The following RORB variants were observed in gnomAD, a reference collection of about 807,000 sequenced individuals.
RORB encodes nuclear receptor ROR-beta.
In RORB, 6 loss-of-function variants were observed where a neutral mutation model predicts 59.1. The ratio of observed to expected loss-of-function variants is 0.10; its 90% CI spans 0.06 to 0.20. The LOEUF is 0.20. Ranked by LOEUF, RORB falls within the 10% of genes least tolerant of loss-of-function variation. The pLI is 1.00. For synonymous variants in RORB, 215 were observed against 204.5 expected (o/e 1.05, Z -0.44); for missense variants, 320 against 560.5 (o/e 0.57, Z 4.33).
At chr9:74,634,850 A>G (rs1823676286) in intron 3 of RORB, 78 bp downstream of exon 3, 1 of 1,331,044 alleles carries the variant, frequency 7.5e-7, no homozygotes. Context: ...AGCTGCTGGA[A>G]GAATTCTAGA....
In RORB at chr9:74,682,433, T is replaced by TA. The variant is rs542616560; in HGVS notation, c.1225-3019dup. Among the ~76,000 whole-genome samples, 267 of 140,090 alleles carry TA rather than the reference T, an allele frequency of 1.9e-3. 2 individuals are homozygous for TA. Among genetic ancestry groups the TA allele is most frequent in the South Asian group, 0.017 (73 of 4,394 alleles). 91.9% of individuals were successfully genotyped at this position (140,090 alleles called of 152,430 possible). ...ATGTACCCTAAAACTTAAAGTATAA[T>TA]AAAAAAAAAAAGAAAAAGAAAACTG... On this transcript the variant is annotated intron_variant, in intron 9 of 9. Coordinates refer to ENST00000376896, the MANE Select transcript of RORB (RefSeq NM_006914.4).
chr9:74,653,841 G>GA (rs1023031897), intron 4 of RORB, among the ~76,000 whole-genome samples: 134 of 151,846 alleles, frequency 8.8e-4, no homozygotes, highest in African/African-American at 2.8e-3. Flanking sequence ...CGCTTTGGTG[G>GA]AAAAAAAACC....
chr9:74,606,472 A>G (rs551717013), intron 1 of RORB, among the ~76,000 whole-genome samples: 1 of 152,338 alleles, frequency 6.6e-6, no homozygotes, highest in African/African-American at 2.4e-5. Flanking sequence ...GTTGGCTGTA[A>G]GATGTCCCAG....
intron 9 of RORB, among the ~76,000 whole-genome samples, chr9:74,682,578 G>A (rs1824564655): frequency 6.6e-6 from 1 of 152,104 alleles, no homozygotes; most frequent in Non-Finnish European, 1.5e-5. Flanking sequence ...TCTCTATGTA[G>A]TATTTGTGTG....
intron 1 of RORB, among the ~76,000 whole-genome samples, chr9:74,534,089 C>T (rs1168008230): frequency 6.6e-6 from 1 of 151,998 alleles, no homozygotes; most frequent in Non-Finnish European, 1.5e-5. Context: ...GCTGTTCCTT[C>T]TTCTATTTCA....
At chr9:74,599,853 G>A (rs541309947) in intron 1 of RORB, among the ~76,000 whole-genome samples, 4 of 152,090 alleles carry the variant, frequency 2.6e-5, no homozygotes, top group Non-Finnish European at 4.4e-5. Flanking sequence ...ATCATGGGAC[G>A]AACTTTAAAC....
At chr9:74,504,951 A>T (rs1825850410) in intron 1 of RORB, among the ~76,000 whole-genome samples, 1 of 152,086 alleles carries the variant, frequency 6.6e-6, no homozygotes, top group Admixed American at 6.6e-5. Flanking sequence ...ACCATTAACT[A>T]AATTTCACTA....
chr9:74,589,754 C>T (rs1274281488), intron 1 of RORB, among the ~76,000 whole-genome samples: 3 of 152,142 alleles, frequency 2.0e-5, no homozygotes, highest in Admixed American at 6.5e-5. Context: ...GACTTTCTGG[C>T]CTCGCTTGTT....
At chr9:74,532,913 A>C (rs1285747589) in intron 1 of RORB, among the ~76,000 whole-genome samples, 4 of 149,936 alleles carry the variant, frequency 2.7e-5, no homozygotes, top group Non-Finnish European at 5.9e-5. Context: ...ATTTTGAATA[A>C]GTGACCTTCA....
At chr9:74,618,130 C>T (rs112298541) in intron 1 of RORB, among the ~76,000 whole-genome samples, 58 of 152,098 alleles carry the variant, frequency 3.8e-4, no homozygotes, top group African/African-American at 1.2e-3. Context: ...CACACACAGA[C>T]GCACACACAC....
chr9:74,530,870 C>T (rs773616355), intron 1 of RORB, among the ~76,000 whole-genome samples: 14 of 151,902 alleles, frequency 9.2e-5, no homozygotes, highest in Non-Finnish European at 1.8e-4. Flanking sequence ...CTATCCTTCC[C>T]CCTACCCCCT....
intron 1 of RORB, among the ~76,000 whole-genome samples, chr9:74,565,181 G>A (rs1047301153): frequency 5.9e-5 from 9 of 152,142 alleles, no homozygotes; most frequent in African/African-American, 2.2e-4. Flanking sequence ...CCAGATATCA[G>A]AATAACTCTG....
chr9:74,580,028 T>G (rs934667820), intron 1 of RORB, among the ~76,000 whole-genome samples: 1 of 152,220 alleles, frequency 6.6e-6, no homozygotes, highest in African/African-American at 2.4e-5. Context: ...TATTGTTGTT[T>G]ATTATTATTG....
chr9:74,660,986 T>G (rs773045046), intron 5 of RORB, among the ~76,000 whole-genome samples: 3 of 152,176 alleles, frequency 2.0e-5, no homozygotes, highest in Non-Finnish European at 4.4e-5. Flanking sequence ...CTACCCTGAT[T>G]GAAAAACCAC....
At chr9:74,541,998 C>A (rs1174574939) in intron 1 of RORB, among the ~76,000 whole-genome samples, 1 of 152,000 alleles carries the variant, frequency 6.6e-6, no homozygotes, top group South Asian at 2.1e-4. Flanking sequence ...CGAGAGGGAG[C>A]CCAATCCAAT....
At chr9:74,563,110 T>C (rs1822421018) in intron 1 of RORB, among the ~76,000 whole-genome samples, 1 of 152,110 alleles carries the variant, frequency 6.6e-6, no homozygotes, top group African/African-American at 2.4e-5. Context: ...ATGTTGTTTT[T>C]AGCAACAGCT....
At chr9:74,636,256 A>G (rs1467730765) in intron 3 of RORB, among the ~76,000 whole-genome samples, 1 of 152,204 alleles carries the variant, frequency 6.6e-6, no homozygotes, top group Non-Finnish European at 1.5e-5. Context: ...ACCATGTGGC[A>G]GTAGGTAGCA....
chr9:74,661,257 T>G (rs1824175070), intron 5 of RORB, among the ~76,000 whole-genome samples: 1 of 152,232 alleles, frequency 6.6e-6, no homozygotes, highest in South Asian at 2.1e-4. Context: ...TTGGGTTTGT[T>G]GAAGAAGTTT....
chr9:74,599,943 C>T (rs1377868458), intron 1 of RORB, among the ~76,000 whole-genome samples: 1 of 152,214 alleles, frequency 6.6e-6, no homozygotes, highest in African/African-American at 2.4e-5. Context: ...AGGACTAGCA[C>T]TAGACAAATT....
Sources: allele counts gnomAD v4.1 joint callset (sites outside exome capture counted in the v4.1 genomes callset), GRCh38; gene constraint gnomAD v4.1.1; transcripts MANE v1.5; gene names NCBI Gene and HGNC (gene_info 2026-07-23, HGNC 2026-07-21).